The following UVRAG variants were observed in gnomAD, a reference collection of about 807,000 sequenced individuals.
UVRAG encodes UV radiation resistance-associated gene protein.
UVRAG carries 19 observed loss-of-function variants against 78.0 expected under a neutral mutation model. The observed-to-expected ratio is 0.24, with a 90% CI of 0.17 to 0.36. The LOEUF is 0.36. UVRAG is among the 10% of genes least tolerant of loss of function. UVRAG has a pLI of 1.00. For missense variants in UVRAG, 740 were observed against 853.8 expected (o/e 0.87, Z 1.66); for synonymous variants, 323 against 324.6 (o/e 1.00, Z 0.05).
chr11:76,065,912 T>C lies in UVRAG; in HGVS notation c.1305+124T>C, dbSNP rs558305315. The C allele has an allele frequency of 7.0e-4, 512 of 732,400 alleles. 5 individuals carry two copies. The Middle Eastern group carries it at 0.011, about 16-fold the overall frequency. 45.4% of individuals were successfully genotyped at this position (732,400 alleles called of 1,614,324 possible). On this transcript the variant is annotated intron_variant, in intron 13 of 14. Transcript: ENST00000356136. ...CCTCGCATTTAACCAGTTACATTAG[T>C]AATACACAGTTCTTTTTTTTGATCA... is the stretch of plus-strand genomic sequence containing the variant.
chr11:75,877,444 C>T (rs1344126745), intron 3 of UVRAG, among the ~76,000 whole-genome samples: 1 of 151,428 alleles, frequency 6.6e-6, no homozygotes, highest in Non-Finnish European at 1.5e-5. Flanking sequence ...AGGTGCCCCT[C>T]ACCTCCCGGA....
At chr11:76,094,921 C>T (rs867886740) in intron 13 of UVRAG, among the ~76,000 whole-genome samples, 8 of 152,234 alleles carry the variant, frequency 5.3e-5, no homozygotes, top group African/African-American at 1.9e-4. Flanking sequence ...CTTTCCTCTT[C>T]AGCTTGTCAA....
chr11:75,955,896 A>G (rs951449791), intron 6 of UVRAG, among the ~76,000 whole-genome samples: 1 of 152,212 alleles, frequency 6.6e-6, no homozygotes, highest in African/African-American at 2.4e-5. Context: ...CTAGAAAAAT[A>G]AAGACTTAGA....
At chr11:75,903,040 T>G (rs553977202) in intron 5 of UVRAG, among the ~76,000 whole-genome samples, 35 of 152,308 alleles carry the variant, frequency 2.3e-4, no homozygotes, top group African/African-American at 8.2e-4. Flanking sequence ...TATAGTACTT[T>G]GGGTTCTGTC....
chr11:76,075,130 ATTT>A (rs1951380639), intron 13 of UVRAG, among the ~76,000 whole-genome samples: 1 of 152,150 alleles, frequency 6.6e-6, no homozygotes, highest in Non-Finnish European at 1.5e-5. Context: ...ATATGCTTTT[ATTT>A]TCATAATTCT....
intron 6 of UVRAG, among the ~76,000 whole-genome samples, chr11:75,958,543 A>G (rs1283331917): frequency 6.6e-6 from 1 of 152,202 alleles, no homozygotes; most frequent in Non-Finnish European, 1.5e-5. Context: ...GGCTCCTCTT[A>G]TAATTCTAAT....
At chr11:76,028,349 A>G (rs1477474284) in intron 12 of UVRAG, among the ~76,000 whole-genome samples, 2 of 152,128 alleles carry the variant, frequency 1.3e-5, no homozygotes, top group South Asian at 2.1e-4. Flanking sequence ...ACCAATTAAT[A>G]TAGCCCTATA....
intron 3 of UVRAG, among the ~76,000 whole-genome samples, chr11:75,868,789 A>G (rs1210339868): frequency 6.6e-6 from 1 of 152,236 alleles, no homozygotes; most frequent in African/African-American, 2.4e-5. Flanking sequence ...GCAAACCCAC[A>G]TCTGCCTTTA....
chr11:76,097,447 C>T (rs922473329), intron 13 of UVRAG, among the ~76,000 whole-genome samples: 1 of 152,164 alleles, frequency 6.6e-6, no homozygotes, highest in Admixed American at 6.5e-5. Context: ...AGCTAGTATG[C>T]CACAGTCCAG....
At chr11:76,087,866 T>G (rs893225513) in intron 13 of UVRAG, among the ~76,000 whole-genome samples, 1 of 152,070 alleles carries the variant, frequency 6.6e-6, no homozygotes, top group African/African-American at 2.4e-5. Context: ...GTTGTTTTGG[T>G]TTTTTGTTTT....
intron 6 of UVRAG, among the ~76,000 whole-genome samples, chr11:75,948,440 T>G (rs1347990755): frequency 2.0e-5 from 3 of 152,076 alleles, no homozygotes; most frequent in South Asian, 2.1e-4. Context: ...ATCAATAGGT[T>G]TAGGTGATTG....
At chr11:75,960,177 C>A (rs1262805313) in intron 6 of UVRAG, among the ~76,000 whole-genome samples, 1 of 150,828 alleles carries the variant, frequency 6.6e-6, no homozygotes, top group Admixed American at 6.6e-5. Flanking sequence ...TTGATTGACT[C>A]AGGGTTGCCA....
At position 75,974,351 on chromosome 11, in the gene UVRAG, C is replaced by CTTTTTT. The variant is rs1188190094; in HGVS notation, c.700-9015_700-9010dup. ...TGTCTGTTGGCTGCATAAATGTCTT[C>CTTTTTT]TTTTTTTTTTTTTTTTTTTTTTTTT... On this transcript the variant is annotated intron_variant, in intron 7 of 14. Transcript: ENST00000356136. Among the ~76,000 whole-genome samples, 3 of 83,712 alleles carry CTTTTTT rather than the reference C, an allele frequency of 3.6e-5. 1 individual carries two copies. Among genetic ancestry groups the CTTTTTT allele is most frequent in the African/African-American group, 1.0e-4 (2 of 20,028 alleles). The allele number at this position is 83,712 out of a possible 152,430, so 54.9% of individuals were successfully genotyped here. A position where few individuals can be genotyped will look rare whatever the true frequency, so the allele number is the denominator to read the frequency against.
chr11:75,842,138 G>A (rs1945927329), intron 1 of UVRAG, among the ~76,000 whole-genome samples: 1 of 152,182 alleles, frequency 6.6e-6, no homozygotes, highest in Admixed American at 6.5e-5. Flanking sequence ...CCAGGTGGAA[G>A]CCATGTCACC....
At chr11:76,111,382 A>G (rs2134459464) in intron 13 of UVRAG, among the ~76,000 whole-genome samples, 1 of 152,262 alleles carries the variant, frequency 6.6e-6, no homozygotes, top group East Asian at 1.9e-4. Context: ...TTGACAGTCT[A>G]TAGAAAAAGA....
chr11:75,950,440 C>G (rs185279240), intron 6 of UVRAG, among the ~76,000 whole-genome samples: 106 of 152,186 alleles, frequency 7.0e-4, no homozygotes, highest in Admixed American at 2.6e-3. Context: ...TTTTTAGCGA[C>G]AGCGTCTTGC....
At position 76,124,226 on chromosome 11, in the gene UVRAG, G is replaced by C. The variant is rs1591263286; in HGVS notation, c.1397+8211G>C. Among the ~76,000 whole-genome samples, 4 of 152,318 alleles carry C rather than the reference G, an allele frequency of 2.6e-5. No individual in the cohort carries two copies. The South Asian group carries it at 8.3e-4, about 32-fold the overall frequency. ...AAGTATTGTTTTTGATTATTATTAA[G>C]TATTAAAGAATTTGACAATTCATTA... On this transcript the variant is annotated intron_variant, in intron 14 of 14. Coordinates refer to ENST00000356136, the MANE Select transcript of UVRAG (RefSeq NM_003369.4).
At chr11:75,972,860 T>G (rs923215413) in intron 7 of UVRAG, among the ~76,000 whole-genome samples, 4 of 152,242 alleles carry the variant, frequency 2.6e-5, no homozygotes, top group African/African-American at 7.2e-5. Flanking sequence ...ATCTAACTTT[T>G]TATACTTATT....
chr11:76,036,615 A>G (rs1950539798), intron 12 of UVRAG, among the ~76,000 whole-genome samples: 1 of 152,194 alleles, frequency 6.6e-6, no homozygotes, highest in African/African-American at 2.4e-5. Context: ...ATGTGCATAA[A>G]AGAAGTTATG....
Sources: allele counts gnomAD v4.1 joint callset (sites outside exome capture counted in the v4.1 genomes callset), GRCh38; gene constraint gnomAD v4.1.1; transcripts MANE v1.5; gene names NCBI Gene and HGNC (gene_info 2026-07-23, HGNC 2026-07-21).